Variants in RMST observed in about 807,000 individuals in gnomAD.
RMST encodes the protein rhabdomyosarcoma 2 associated transcript, also known as long intergenic non-protein coding RNA 54.
At chr12:97,537,590 T>A (rs1193804481) in intron 11 of RMST, among the ~76,000 whole-genome samples, 1 of 151,454 alleles carries the variant, frequency 6.6e-6, no homozygotes, top group East Asian at 1.9e-4. Flanking sequence ...ATTAGCAGTG[T>A]TAATTGATGC....
rs192364894 is a variant in RMST at position 97,501,544 on chromosome 12, G to T, written n.1340+5488G>T. Among the ~76,000 whole-genome samples the T allele has an allele frequency of 1.4e-3, 218 of 152,238 alleles. 2 individuals are homozygous for T. Among genetic ancestry groups the T allele is most frequent in the African/African-American group, 5.0e-3 (209 of 41,538 alleles). ...ATTCTCACCCACCGTATCCAAGCAGGTTACAGAAATTAAAACTTGCAGGAT... is the reference window on the plus strand; with the variant it reads ...ATTCTCACCCACCGTATCCAAGCAGTTTACAGAAATTAAAACTTGCAGGAT... On this transcript the variant is annotated intron_variant and non_coding_transcript_variant, in intron 10 of 13. Transcript: ENST00000640149.
intron 10 of RMST, among the ~76,000 whole-genome samples, chr12:97,515,622 A>G (rs1879848404): frequency 6.6e-6 from 1 of 152,078 alleles, no homozygotes; most frequent in African/African-American, 2.4e-5. Flanking sequence ...ATGTTTTCCC[A>G]ATAGGGAAAA....
intron 10 of RMST, among the ~76,000 whole-genome samples, chr12:97,499,027 G>A (rs1248019183): frequency 1.3e-5 from 2 of 152,192 alleles, no homozygotes; most frequent in Non-Finnish European, 1.5e-5. Flanking sequence ...TCTGCTGAAG[G>A]TGCCCGCTGG....
chr12:97,562,471 G>T (rs146393944), intron 13 of RMST, among the ~76,000 whole-genome samples: 4,050 of 152,046 alleles, frequency 0.027, 82 homozygotes, highest in Middle Eastern at 0.068. Context: ...GGTTGGGAGG[G>T]TAGCTGGTGG....
chr12:97,531,389 C>T (rs1237490209), intron 11 of RMST, among the ~76,000 whole-genome samples: 1 of 151,972 alleles, frequency 6.6e-6, no homozygotes, highest in African/African-American at 2.4e-5. Flanking sequence ...TTTATAAAGA[C>T]GACTATCTCT....
chr12:97,477,671 G>A (rs1874718127), intron 5 of RMST, among the ~76,000 whole-genome samples: 1 of 152,166 alleles, frequency 6.6e-6, no homozygotes, highest in Non-Finnish European at 1.5e-5. Context: ...CAGGATCCCA[G>A]CAAACCTTTA....
chr12:97,482,473 G>T (rs75187198), intron 5 of RMST, among the ~76,000 whole-genome samples: 11,426 of 151,582 alleles, frequency 0.075, 649 homozygotes, highest in Middle Eastern at 0.13. Context: ...TTTTTGTTTT[G>T]ATTTTCGACA....
intron 5 of RMST, among the ~76,000 whole-genome samples, chr12:97,484,840 C>T (rs1005082110): frequency 6.6e-6 from 1 of 152,160 alleles, no homozygotes; most frequent in Non-Finnish European, 1.5e-5. Flanking sequence ...TTCCTTTCAT[C>T]TTTTTGACAG....
chr12:97,544,224 A>G (rs1370240303), intron 11 of RMST, among the ~76,000 whole-genome samples: 1 of 152,118 alleles, frequency 6.6e-6, no homozygotes, highest in East Asian at 1.9e-4. Context: ...TGGCTTACTC[A>G]TGGTTACTCA....
chr12:97,499,923 T>A (rs1214027278), intron 10 of RMST, among the ~76,000 whole-genome samples: 2 of 152,148 alleles, frequency 1.3e-5, no homozygotes, highest in Non-Finnish European at 2.9e-5. Flanking sequence ...CCTCCCAAAG[T>A]ATTAGGATTA....
intron 3 of RMST, chr12:97,463,017 G>GCCTCTCTCTC: frequency 7.7e-6 from 1 of 129,996 alleles, no homozygotes; most frequent in African/African-American, 2.8e-5. Context: ...CAAGTCAGCA[G>GCCTCTCTCTC]TCTCTCTCTC....
intron 11 of RMST, among the ~76,000 whole-genome samples, chr12:97,543,384 G>T (rs935913989): frequency 1.3e-5 from 2 of 151,924 alleles, no homozygotes; most frequent in Non-Finnish European, 2.9e-5. Context: ...TAGAGTTGTT[G>T]GTTGTCTATC....
At position 97,524,075 on chromosome 12, in the gene RMST, C is replaced by CAGAGAAAAAAAAAAAAAA. The variant is rs57255256; in HGVS notation, n.1341-6579_1341-6578insGAGAAAAAAAAAAAAAAA. Among the ~76,000 whole-genome samples the CAGAGAAAAAAAAAAAAAA allele has an allele frequency of 8.4e-3, 473 of 56,126 alleles. 181 individuals carry two copies. The highest frequency in any genetic ancestry group is 0.02 in the Middle Eastern group (2 of 100). The allele number at this position is 56,126 out of a possible 152,430, so 36.8% of individuals were successfully genotyped here. On this transcript the variant is annotated intron_variant and non_coding_transcript_variant, in intron 10 of 13. Coordinates refer to ENST00000640149, the Ensembl canonical transcript of RMST. ...TGGGCAACAGAGTGAGACTCTGTCT[C>CAGAGAAAAAAAAAAAAAA]AAAAAAAAAAAAAAAAAAAAAAAAA... is the stretch of plus-strand genomic sequence containing the variant.
intron 10 of RMST, among the ~76,000 whole-genome samples, chr12:97,497,933 A>G (rs1877630953): frequency 6.6e-6 from 1 of 152,060 alleles, no homozygotes; most frequent in Non-Finnish European, 1.5e-5. Flanking sequence ...AAGTTAATAG[A>G]CCCCTTGAAC....
chr12:97,559,607 C>T (rs1024195852), intron 11 of RMST, among the ~76,000 whole-genome samples: 6 of 152,026 alleles, frequency 3.9e-5, no homozygotes, highest in Admixed American at 2.0e-4. Flanking sequence ...ATTAAACCAA[C>T]GTCCAGTTTC....
At chr12:97,503,277 C>T (rs908100290) in intron 10 of RMST, among the ~76,000 whole-genome samples, 1 of 152,140 alleles carries the variant, frequency 6.6e-6, no homozygotes, top group Non-Finnish European at 1.5e-5. Context: ...ATACAAGGCA[C>T]ACCTAAATAG....
intron 11 of RMST, among the ~76,000 whole-genome samples, chr12:97,532,024 G>A (rs936740720): frequency 1.3e-5 from 2 of 151,792 alleles, no homozygotes; most frequent in African/African-American, 4.8e-5. Flanking sequence ...ATGGCATTAT[G>A]AATTTTAAAG....
intron 11 of RMST, among the ~76,000 whole-genome samples, chr12:97,531,572 T>C (rs1346601913): frequency 6.6e-6 from 1 of 152,016 alleles, no homozygotes. Flanking sequence ...AGGAAGGGCA[T>C]GTGCCTGTGT....
At chr12:97,479,133 C>CT (rs386377507) in intron 5 of RMST, among the ~76,000 whole-genome samples, 1,665 of 69,010 alleles carry the variant, frequency 0.024, 273 homozygotes, top group African/African-American at 0.074. Context: ...CTTGTCTTTG[C>CT]TTTTTTTTTT....
Sources: gnomAD v4.1 joint callset for allele counts (sites outside exome capture counted in the v4.1 genomes callset) on GRCh38, gnomAD v4.1.1 for gene constraint, MANE v1.5 for transcripts, NCBI Gene and HGNC (gene_info 2026-07-23, HGNC 2026-07-21) for gene names.